Variants in MDH2 observed in about 807,000 individuals in gnomAD.
The protein encoded by MDH2 is malate dehydrogenase 2.
A neutral mutation model predicts 33.6 loss-of-function variants in MDH2; 25 were observed. That is an observed-to-expected ratio of 0.74 (90% CI 0.54 to 1.04). The LOEUF is 1.04. Ranked by LOEUF, MDH2 falls within the 50% of genes least tolerant of loss-of-function variation. The probability of loss-of-function intolerance (pLI) is 0.00; values close to 1 mark genes in which losing one functional copy is unlikely to be tolerated. For missense variants in MDH2, 432 were observed against 445.0 expected (o/e 0.97, Z 0.26); for synonymous variants, 193 against 188.7 (o/e 1.02, Z -0.19).
At chr7:76,056,562 A>G (rs1797792981) in intron 2 of MDH2, among the ~76,000 whole-genome samples, 1 of 152,220 alleles carries the variant, frequency 6.6e-6, no homozygotes, top group Non-Finnish European at 1.5e-5. Flanking sequence ...CATTAAGGAA[A>G]AAGTCAAGAT....
chr7:76,054,663 A>G (rs1388342829), intron 1 of MDH2, 167 bp from the exon 2 acceptor site: 6 of 795,906 alleles, frequency 7.5e-6, no homozygotes, highest in Non-Finnish European at 1.0e-5. Flanking sequence ...GACCTTTGGA[A>G]TGAAGGTCCT....
At chr7:76,065,413 A>C (rs1298842551) in intron 8 of MDH2, among the ~76,000 whole-genome samples, 1 of 152,146 alleles carries the variant, frequency 6.6e-6, no homozygotes, top group African/African-American at 2.4e-5. Flanking sequence ...CCTCAAGCCG[A>C]GTTTCCATTT....
chr7:76,058,077 C>T lies in MDH2; in HGVS notation c.428C>T (p.Pro143Leu), dbSNP rs782351277. 18 of 1,611,852 alleles carry T rather than the reference C, an allele frequency of 1.1e-5. No individual in the cohort carries two copies. The highest frequency in any genetic ancestry group is 1.5e-5 in the Non-Finnish European group (18 of 1,179,502). Reference sequence around the variant, plus strand: ...GCCATGATCTGCGTCATTGCCAATCCGGTGAGTGTGGCAGCACCCGGCTCT... The same window carrying T: ...GCCATGATCTGCGTCATTGCCAATCTGGTGAGTGTGGCAGCACCCGGCTCT... ...PEAMICVIAN[P>L]VNSTIPITAE... Residue 143 changes from proline (P) to leucine (L), a missense_variant and splice_region_variant, in exon 4 of 9, where the codon CCG (proline) becomes CTG (leucine). By Grantham distance (98) the Pro-to-Leu change is moderately conservative (BLOSUM62 -3). Transcript: ENST00000315758.
rs1554587303 is a variant in MDH2, at chr7:76,063,547, C to A, written c.588C>A (p.Val196=). The A allele has an allele frequency of 6.2e-7, 1 of 1,614,264 alleles. No individual in the cohort carries two copies. The highest frequency in any genetic ancestry group is 8.5e-7 in the Non-Finnish European group (1 of 1,180,046). The change falls in exon 6 of 9, where the codon GTC becomes GTA. Residue 196 remains valine (V), a synonymous_variant. Transcript: ENST00000315758. ...GLDPARVNVP[V]IGGHAGKTII... is the part of the protein sequence containing the mutation. ...ATCCAGCTCGAGTCAACGTCCCTGTCATTGGTGGCCATGCTGGGAAGACCA... is the reference window on the plus strand; with the variant it reads ...ATCCAGCTCGAGTCAACGTCCCTGTAATTGGTGGCCATGCTGGGAAGACCA...
Position 76,063,497 on chromosome 7 carries a change from T to G in MDH2, c.556-18T>G, listed in dbSNP as rs943852379. On this transcript the variant is annotated intron_variant, in intron 5 of 8. Coordinates refer to ENST00000315758, the MANE Select transcript of MDH2 (RefSeq NM_005918.4). ...AAAGAGCTTGTTAACTCATCCAGCT[T>G]CATACTTTGGTCACCAGGGTTTGGA... The G allele has an allele frequency of 6.2e-7, 1 of 1,613,720 alleles. No individual in the cohort carries two copies. Among genetic ancestry groups the G allele is most frequent in the Non-Finnish European group, 8.5e-7 (1 of 1,179,562 alleles).
At chr7:76,058,653 T>C (rs1252552410) in intron 4 of MDH2, among the ~76,000 whole-genome samples, 1 of 152,220 alleles carries the variant, frequency 6.6e-6, no homozygotes, top group Non-Finnish European at 1.5e-5. Flanking sequence ...AGTTATTTCT[T>C]TCCCTTTAGT....
chr7:76,058,053 C>G lies in MDH2; in HGVS notation c.404C>G (p.Ala135Gly), dbSNP rs782560214. 2.2e-5 allele frequency: 36 copies of G among 1,613,428 alleles called. No individual in the cohort carries two copies. The highest frequency in any genetic ancestry group is 3.0e-5 in the Non-Finnish European group (35 of 1,180,042). ...GCCTGTGCCCAGCACTGCCCGGAAG[C>G]CATGATCTGCGTCATTGCCAATCCG... ...TAACAQHCPE[A>G]MICVIANPVN... The change falls in exon 4 of 9, where the codon GCC becomes GGC. Residue 135 changes from alanine (A) to glycine (G), a missense_variant. By Grantham distance (60) the Ala-to-Gly change is moderately conservative. Coordinates refer to ENST00000315758, the MANE Select transcript of MDH2 (RefSeq NM_005918.4).
At chr7:76,064,516 G>C in intron 7 of MDH2, 78 bp downstream of exon 7, 1 of 1,270,098 alleles carries the variant, frequency 7.9e-7, no homozygotes, top group South Asian at 1.4e-5. Flanking sequence ...AATGCTGCTT[G>C]TCCCTGGGCA....
In MDH2 at chr7:76,060,613, G is replaced by T; in HGVS notation, c.555+115G>T. ...TGCCCAGGTCACGTGTCACTTTGGG[G>T]TTTTAAATGTTTTTAGAGCTCGCCC... is the stretch of plus-strand genomic sequence containing the variant. On this transcript the variant is annotated intron_variant, in intron 5 of 8. Coordinates refer to ENST00000315758, the MANE Select transcript of MDH2 (RefSeq NM_005918.4). 2.1e-6 allele frequency: 3 copies of T among 1,437,680 alleles called. No individual in the cohort carries two copies. The South Asian group carries it at 4.2e-5, about 20-fold the overall frequency. 89.1% of individuals were successfully genotyped at this position (1,437,680 alleles called of 1,614,324 possible).
chr7:76,058,727 A>C (rs1238405273), intron 4 of MDH2, among the ~76,000 whole-genome samples: 1 of 152,214 alleles, frequency 6.6e-6, no homozygotes, highest in East Asian at 1.9e-4. Flanking sequence ...CTGTTTCTCC[A>C]AATTGCCAGC....
At chr7:76,063,857 G>A (rs966097991) in intron 6 of MDH2, among the ~76,000 whole-genome samples, 7 of 152,190 alleles carry the variant, frequency 4.6e-5, no homozygotes, top group South Asian at 2.1e-4. Flanking sequence ...AGGCCGGAGC[G>A]GGCGAGGTGC....
At chr7:76,066,112 C>T (rs1446512481) in intron 8 of MDH2, among the ~76,000 whole-genome samples, 167 bp from the exon 9 acceptor site, 5 of 152,032 alleles carry the variant, frequency 3.3e-5, no homozygotes, top group African/African-American at 9.7e-5. Flanking sequence ...CACTCCTGAC[C>T]GCAGCTCAGT....
chr7:76,056,108 A>G (rs1470085261), intron 2 of MDH2, among the ~76,000 whole-genome samples: 1 of 152,162 alleles, frequency 6.6e-6, no homozygotes, highest in African/African-American at 2.4e-5. Flanking sequence ...GATTACAGGC[A>G]TGAGCAACTG....
chr7:76,064,371 GCTGACAGCA>G lies in MDH2; in HGVS notation c.669_677del (p.Ala225_Thr227del), dbSNP rs782193547. The G allele has an allele frequency of 1.2e-6, 2 of 1,613,542 alleles. No homozygotes were observed. Among genetic ancestry groups the G allele is most frequent in the South Asian group, 2.2e-5 (2 of 90,922 alleles). On this transcript the variant is annotated inframe_deletion, in exon 7 of 9. Transcript: ENST00000315758. The stretch of plus-strand genomic sequence containing the variant: ...CCAAGGTGGACTTTCCCCAGGACCA[GCTGACAGCA>G]CTCACTGGGCGGATCCAGGAGGCCG...
rs371259710 is a variant in MDH2, at chr7:76,057,530, G to C, written c.319+37G>C. 7 of 1,571,928 alleles carry C rather than the reference G, an allele frequency of 4.5e-6. No individual in the cohort carries two copies. In the African/African-American group the frequency reaches 6.7e-5, roughly 15 times the overall value. ...AAAGCCTTGTCTGGTACCTCCCCAC[G>C]TGAAGATGTGGGGATTAAATCCATT... On this transcript the variant is annotated intron_variant, in intron 3 of 8. Transcript: ENST00000315758.
chr7:76,058,246 C>T (rs1306890810), intron 4 of MDH2, 168 bp downstream of exon 4: 6 of 615,364 alleles, frequency 9.8e-6, no homozygotes, highest in African/African-American at 3.7e-5. Flanking sequence ...AGCAGAGGCC[C>T]GTCCGTGCAC....
At chr7:76,051,055 T>G (rs1456604674) in intron 1 of MDH2, among the ~76,000 whole-genome samples, 1 of 151,924 alleles carries the variant, frequency 6.6e-6, no homozygotes, top group Non-Finnish European at 1.5e-5. Context: ...TAATTTTTTT[T>G]TGTATTTTCA....
intron 1 of MDH2, among the ~76,000 whole-genome samples, chr7:76,051,733 AAAAC>A (rs1315604139): frequency 1.3e-5 from 2 of 152,220 alleles, no homozygotes; most frequent in East Asian, 1.9e-4. Context: ...TAGAAATTTT[AAAAC>A]AAACCATAAC....
At chr7:76,057,826 A>C in intron 3 of MDH2, 143 bp from the exon 4 acceptor site, 1 of 728,570 alleles carries the variant, frequency 1.4e-6, no homozygotes, top group Admixed American at 2.3e-5. Context: ...ATCATGCTGG[A>C]TCATTTACCC....
Sources: allele counts gnomAD v4.1 joint callset (sites outside exome capture counted in the v4.1 genomes callset), GRCh38; gene constraint gnomAD v4.1.1; transcripts MANE v1.5; gene names NCBI Gene and HGNC (gene_info 2026-07-23, HGNC 2026-07-21).